Variants in RIMS2 observed in about 807,000 individuals in gnomAD.
The protein encoded by RIMS2 is regulating synaptic membrane exocytosis protein 2.
Under a neutral mutation model 174.4 loss-of-function variants are expected in RIMS2, and 59 were observed. That is an observed-to-expected ratio of 0.34 (90% CI 0.27 to 0.42). RIMS2 has a LOEUF of 0.42. Among genes scored for constraint, RIMS2 ranks in the 10% least tolerant of loss-of-function variants. RIMS2 has a pLI of 1.00. For missense variants in RIMS2, 1,620 were observed against 1,666.3 expected (o/e 0.97, Z 0.48); for synonymous variants, 606 against 572.5 (o/e 1.06, Z -0.84).
rs1026185532 is a variant in RIMS2 at position 103,608,316 on chromosome 8, T to C, written c.177-88770T>C. ...GCCTCCCAGTTAGGCTGCTCGGGGG[T>C]CAGGGACCCACTTGAGGAGGCAGTC... On this transcript the variant is annotated intron_variant, in intron 1 of 23. Transcript: ENST00000504942. 1.5e-4 allele frequency among the ~76,000 whole-genome samples: 21 copies of C among 142,870 alleles called. 2 individuals are homozygous for C. The highest frequency in any genetic ancestry group is 2.8e-4 in the Non-Finnish European group (18 of 65,192). The allele number at this position is 142,870 out of a possible 152,430, so 93.7% of individuals were successfully genotyped here. A position where few individuals can be genotyped will look rare whatever the true frequency, so the allele number is the denominator to read the frequency against.
intron 1 of RIMS2, among the ~76,000 whole-genome samples, chr8:103,664,163 T>A (rs553469519): frequency 6.6e-6 from 1 of 152,152 alleles, no homozygotes; most frequent in East Asian, 1.9e-4. Context: ...TAAGACCTAA[T>A]ACCATAAAAA....
At position 103,606,758 on chromosome 8, in the gene RIMS2, G is replaced by A. The variant is rs1377632293; in HGVS notation, c.177-90328G>A. On this transcript the variant is annotated intron_variant, in intron 1 of 23. Transcript: ENST00000504942. ...TTGATCCCTTTACCATTATATAATG[G>A]CCTTCTTTGTCTCTTTTGATCTTTG... 2.4e-4 allele frequency among the ~76,000 whole-genome samples: 36 copies of A among 151,884 alleles called. 1 individual carries two copies. The highest frequency in any genetic ancestry group is 7.4e-5 in the Non-Finnish European group (5 of 67,978).
chr8:104,048,764 A>T (rs368940166), intron 19 of RIMS2, among the ~76,000 whole-genome samples: 1 of 152,172 alleles, frequency 6.6e-6, no homozygotes, highest in Non-Finnish European at 1.5e-5. Flanking sequence ...ATTGAAAGTA[A>T]TGTCTGTAAA....
At chr8:104,178,888 C>A (rs73301323) in intron 19 of RIMS2, among the ~76,000 whole-genome samples, 4,788 of 152,098 alleles carry the variant, frequency 0.031, 226 homozygotes, top group African/African-American at 0.1. Flanking sequence ...CAAAGTAGTT[C>A]TTGGATAATA....
intron 1 of RIMS2, among the ~76,000 whole-genome samples, chr8:103,513,382 G>A (rs1827501307): frequency 6.6e-6 from 1 of 152,124 alleles, no homozygotes; most frequent in Admixed American, 6.5e-5. Flanking sequence ...GAAAACACAA[G>A]TCCACAATTC....
chr8:103,572,424 T>G (rs903705626), intron 1 of RIMS2, among the ~76,000 whole-genome samples: 46 of 152,014 alleles, frequency 3.0e-4, no homozygotes, highest in South Asian at 4.2e-4. Context: ...TTTTACAGAG[T>G]GCTGATTGGT....
chr8:104,161,647 C>T (rs1264404097), intron 19 of RIMS2, among the ~76,000 whole-genome samples: 1 of 152,132 alleles, frequency 6.6e-6, no homozygotes, highest in Non-Finnish European at 1.5e-5. Context: ...AGGCCGTAAC[C>T]CATTATCATT....
chr8:103,940,382 A>G (rs1202273853), intron 13 of RIMS2, among the ~76,000 whole-genome samples: 1 of 152,184 alleles, frequency 6.6e-6, no homozygotes, highest in Non-Finnish European at 1.5e-5. Flanking sequence ...CAGCACGAGA[A>G]AGACCCACCT....
intron 1 of RIMS2, among the ~76,000 whole-genome samples, chr8:103,638,453 C>T (rs555106267): frequency 8.5e-5 from 13 of 152,054 alleles, no homozygotes; most frequent in Admixed American, 3.9e-4. Context: ...GGGAAATATG[C>T]GCCGTCTTCT....
chr8:103,793,621 G>A (rs560980142), intron 3 of RIMS2, among the ~76,000 whole-genome samples: 1 of 152,134 alleles, frequency 6.6e-6, no homozygotes, highest in Non-Finnish European at 1.5e-5. Flanking sequence ...TATTCAATTA[G>A]GAAAATAGGA....
chr8:103,781,625 T>A (rs903635175), intron 3 of RIMS2, among the ~76,000 whole-genome samples: 1 of 152,114 alleles, frequency 6.6e-6, no homozygotes. Context: ...ACTTTTTGAT[T>A]TGCATGTTCT....
At chr8:103,803,931 G>A (rs1464998051) in intron 3 of RIMS2, among the ~76,000 whole-genome samples, 1 of 152,110 alleles carries the variant, frequency 6.6e-6, no homozygotes, top group African/African-American at 2.4e-5. Context: ...AAATAAACGT[G>A]GTCCAGTGGA....
At chr8:104,153,785 A>C (rs2098704641) in intron 19 of RIMS2, among the ~76,000 whole-genome samples, 1 of 152,226 alleles carries the variant, frequency 6.6e-6, no homozygotes, top group Admixed American at 6.5e-5. Flanking sequence ...AGAGAAGGCA[A>C]CCATTAAAGG....
chr8:103,513,297 C>A (rs1485256684), intron 1 of RIMS2, among the ~76,000 whole-genome samples: 1 of 152,106 alleles, frequency 6.6e-6, no homozygotes, highest in African/African-American at 2.4e-5. Flanking sequence ...GGATAATAGT[C>A]CTGGCTCCAT....
chr8:104,178,020 C>G (rs1161733578), intron 19 of RIMS2, among the ~76,000 whole-genome samples: 1 of 152,112 alleles, frequency 6.6e-6, no homozygotes, highest in Non-Finnish European at 1.5e-5. Context: ...GTCTAGGAGA[C>G]TCTGAGTTTT....
chr8:103,514,823 G>T (rs1309382084), intron 1 of RIMS2, among the ~76,000 whole-genome samples: 1 of 151,760 alleles, frequency 6.6e-6, no homozygotes, highest in East Asian at 1.9e-4. Context: ...GCTTGAACCC[G>T]GGAGGTGGAG....
At chr8:103,820,739 C>A (rs1340897104) in intron 3 of RIMS2, among the ~76,000 whole-genome samples, 1 of 151,536 alleles carries the variant, frequency 6.6e-6, no homozygotes, top group Non-Finnish European at 1.5e-5. Flanking sequence ...CAGTTCTGTT[C>A]AATAAACTAA....
intron 3 of RIMS2, among the ~76,000 whole-genome samples, chr8:103,834,720 CTT>C (rs1205692922): frequency 9.6e-5 from 12 of 124,980 alleles, no homozygotes; most frequent in East Asian, 5.4e-4. Flanking sequence ...TTCTTTCTTT[CTT>C]TCTTTCTTTC....
At chr8:103,836,486 A>G (rs1268225495) in intron 3 of RIMS2, among the ~76,000 whole-genome samples, 2 of 152,172 alleles carry the variant, frequency 1.3e-5, no homozygotes, top group East Asian at 1.9e-4. Flanking sequence ...CATTGAGCCC[A>G]AGAGTTGAAC....
Sources: allele counts gnomAD v4.1 joint callset (sites outside exome capture counted in the v4.1 genomes callset), GRCh38; gene constraint gnomAD v4.1.1; transcripts MANE v1.5; gene names NCBI Gene and HGNC (gene_info 2026-07-23, HGNC 2026-07-21).